Variants in DSCAM observed in about 807,000 individuals in gnomAD.
The protein encoded by DSCAM is DS cell adhesion molecule, also known as cell adhesion molecule DSCAM.
In DSCAM, 47 loss-of-function variants were observed where a neutral mutation model predicts 217.7. The observed-to-expected ratio is 0.22, with a 90% confidence interval of 0.17 to 0.28. The LOEUF (loss-of-function observed/expected upper bound fraction) is 0.28, where lower values mean the gene tolerates loss of function less well. Ranked by LOEUF, DSCAM falls within the 10% of genes least tolerant of loss-of-function variation. DSCAM has a pLI of 1.00. For synonymous variants in DSCAM, 1,056 were observed against 1,015.3 expected, an observed-to-expected ratio of 1.04 and a Z score of -0.76; for missense variants, 2,080 against 2,618.3, an observed-to-expected ratio of 0.79 and a Z score of 4.49.
intron 1 of DSCAM, among the ~76,000 whole-genome samples, chr21:40,830,400 T>A (rs1472316958): frequency 6.6e-5 from 10 of 152,006 alleles, no homozygotes; most frequent in African/African-American, 2.4e-4. Context: ...TCCAAACGTC[T>A]CCCACCAGGC....
At chr21:40,058,782 T>C (rs1422946971) in intron 28 of DSCAM, among the ~76,000 whole-genome samples, 1 of 152,254 alleles carries the variant, frequency 6.6e-6, no homozygotes, top group Non-Finnish European at 1.5e-5. Flanking sequence ...GTCATTAGAA[T>C]GGCAGCAAAC....
intron 3 of DSCAM, among the ~76,000 whole-genome samples, chr21:40,482,054 G>A (rs530838391): frequency 1.9e-3 from 284 of 152,260 alleles, no homozygotes; most frequent in Non-Finnish European, 3.0e-3. Flanking sequence ...ACACCACTCC[G>A]GGGGGAAGAG....
chr21:40,606,143 T>C (rs1158975973), intron 3 of DSCAM, among the ~76,000 whole-genome samples: 3 of 152,226 alleles, frequency 2.0e-5, no homozygotes, highest in African/African-American at 7.2e-5. Flanking sequence ...ATTTCATTTT[T>C]CTTTAAACAA....
intron 3 of DSCAM, among the ~76,000 whole-genome samples, chr21:40,589,274 A>G (rs990461203): frequency 6.6e-6 from 1 of 152,240 alleles, no homozygotes; most frequent in Non-Finnish European, 1.5e-5. Flanking sequence ...AACAAAATGA[A>G]ATAATAAAAA....
chr21:40,183,564 G>A (rs2090861604), intron 14 of DSCAM, among the ~76,000 whole-genome samples: 1 of 152,210 alleles, frequency 6.6e-6, no homozygotes, highest in East Asian at 1.9e-4. Context: ...AAAGTCATCT[G>A]TTGTCAAATC....
chr21:40,381,075 AAAAAAAAAAG>A (rs2075018920), intron 3 of DSCAM, among the ~76,000 whole-genome samples: 1 of 146,354 alleles, frequency 6.8e-6, no homozygotes, highest in South Asian at 2.1e-4. Flanking sequence ...AAAAAAAAAA[AAAAAAAAAAG>A]AAAATAGAAC....
At chr21:40,526,718 T>A (rs1258192637) in intron 3 of DSCAM, among the ~76,000 whole-genome samples, 1 of 152,164 alleles carries the variant, frequency 6.6e-6, no homozygotes, top group African/African-American at 2.4e-5. Flanking sequence ...GTTAGCTTGA[T>A]TGTGGCACTC....
intron 3 of DSCAM, among the ~76,000 whole-genome samples, chr21:40,518,625 CAT>C (rs1240236587): frequency 1.5e-4 from 18 of 121,638 alleles, no homozygotes; most frequent in African/African-American, 5.1e-4. Flanking sequence ...CATATATATA[CAT>C]ACACACACAT....
chr21:40,483,907 G>A (rs1055976850), intron 3 of DSCAM, among the ~76,000 whole-genome samples: 1 of 152,158 alleles, frequency 6.6e-6, no homozygotes, highest in African/African-American at 2.4e-5. Context: ...AACTCTAGAT[G>A]TTTAATCACT....
intron 3 of DSCAM, among the ~76,000 whole-genome samples, chr21:40,681,587 G>A (rs544741862): frequency 1.4e-4 from 21 of 151,960 alleles, no homozygotes; most frequent in South Asian, 2.1e-4. Flanking sequence ...TGTGAGAGAG[G>A]GCAAATAAAG....
chr21:40,243,856 C>T (rs539786848), intron 11 of DSCAM, among the ~76,000 whole-genome samples: 45 of 152,108 alleles, frequency 3.0e-4, no homozygotes, highest in African/African-American at 1.0e-3. Flanking sequence ...GTCATGGAGA[C>T]GGTCTACCGG....
intron 15 of DSCAM, among the ~76,000 whole-genome samples, chr21:40,170,810 C>G (rs2090648893): frequency 6.6e-6 from 1 of 152,120 alleles, no homozygotes; most frequent in Non-Finnish European, 1.5e-5. Context: ...TGACAAGAAG[C>G]CAGTTTGTTA....
intron 1 of DSCAM, among the ~76,000 whole-genome samples, chr21:40,772,184 T>C (rs567005491): frequency 1.3e-5 from 2 of 152,312 alleles, no homozygotes; most frequent in African/African-American, 4.8e-5. Flanking sequence ...TTTTTTCTTT[T>C]TGAGATGGAG....
At chr21:40,320,594 T>C (rs2074248656) in intron 8 of DSCAM, among the ~76,000 whole-genome samples, 1 of 152,200 alleles carries the variant, frequency 6.6e-6, no homozygotes, top group Non-Finnish European at 1.5e-5. Context: ...AGAAAGAGTT[T>C]AATTGGACTT....
intron 3 of DSCAM, among the ~76,000 whole-genome samples, chr21:40,479,185 A>C (rs2075961869): frequency 6.6e-6 from 1 of 152,220 alleles, no homozygotes. Context: ...AATGTGATGA[A>C]GCCAGAGACA....
intron 9 of DSCAM, among the ~76,000 whole-genome samples, chr21:40,299,892 A>G (rs2073995808): frequency 6.6e-6 from 1 of 152,188 alleles, no homozygotes; most frequent in Non-Finnish European, 1.5e-5. Context: ...TGGCAGCCTA[A>G]GAAATTGTCC....
intron 3 of DSCAM, among the ~76,000 whole-genome samples, chr21:40,560,645 G>A (rs1259520376): frequency 1.3e-5 from 2 of 152,200 alleles, no homozygotes; most frequent in Non-Finnish European, 2.9e-5. Context: ...GCTTAGCCTA[G>A]CCTACTTGAA....
chr21:40,533,943 G>C (rs1170017834), intron 3 of DSCAM, among the ~76,000 whole-genome samples: 1 of 152,188 alleles, frequency 6.6e-6, no homozygotes, highest in African/African-American at 2.4e-5. Context: ...TAAATCTTCT[G>C]TTACTAATAC....
chr21:40,782,934 G>A (rs137972414), intron 1 of DSCAM, among the ~76,000 whole-genome samples: 26 of 152,234 alleles, frequency 1.7e-4, no homozygotes, highest in Non-Finnish European at 3.1e-4. Flanking sequence ...GCCCTGAGGC[G>A]GATCACATAG....
Sources: allele counts gnomAD v4.1 joint callset (sites outside exome capture counted in the v4.1 genomes callset), GRCh38; gene constraint gnomAD v4.1.1; transcripts MANE v1.5; gene names NCBI Gene and HGNC (gene_info 2026-07-23, HGNC 2026-07-21).